The following ATP1B3 variants were observed in gnomAD, a reference collection of about 807,000 sequenced individuals.
The protein encoded by ATP1B3 is sodium/potassium-transporting ATPase subunit beta-3.
ATP1B3 carries 10 observed loss-of-function variants against 30.2 expected under a neutral mutation model. The ratio of observed to expected loss-of-function variants is 0.33; its 90% CI spans 0.20 to 0.56. The LOEUF is 0.56. Among genes scored for constraint, ATP1B3 ranks in the 20% least tolerant of loss-of-function variants. The pLI, the probability that ATP1B3 is intolerant of heterozygous loss-of-function variation, is 0.90. For synonymous variants in ATP1B3, 113 were observed against 117.0 expected (o/e 0.97, Z 0.22); for missense variants, 238 against 336.7 (o/e 0.71, Z 2.29).
At chr3:141,900,551 G>A (rs964621474) in intron 1 of ATP1B3, among the ~76,000 whole-genome samples, 3 of 152,128 alleles carry the variant, frequency 2.0e-5, no homozygotes, top group African/African-American at 7.2e-5. Context: ...AGGGTGCAGT[G>A]GAAACCTCCT....
chr3:141,913,504 C>CA, intron 3 of ATP1B3, 148 bp from the exon 4 acceptor site: 1 of 631,658 alleles, frequency 1.6e-6, no homozygotes, highest in Non-Finnish European at 2.6e-6. Flanking sequence ...GGTAAAGGGG[C>CA]AAACTTAACA....
At chr3:141,900,572 C>CT (rs1036566891) in intron 1 of ATP1B3, among the ~76,000 whole-genome samples, 1 of 152,120 alleles carries the variant, frequency 6.6e-6, no homozygotes, top group African/African-American at 2.4e-5. Context: ...GTATTAGTTA[C>CT]TAGTTGGTCA....
intron 1 of ATP1B3, among the ~76,000 whole-genome samples, chr3:141,892,627 G>T (rs971725035): frequency 7.1e-5 from 9 of 126,742 alleles, no homozygotes; most frequent in African/African-American, 2.8e-4. Context: ...ACTGCATGCA[G>T]CCTGGGTGAC....
intron 1 of ATP1B3, among the ~76,000 whole-genome samples, chr3:141,891,275 T>C (rs1009835138): frequency 6.6e-6 from 1 of 152,208 alleles, no homozygotes; most frequent in Non-Finnish European, 1.5e-5. Context: ...TAAATTTGTG[T>C]CAATACTACC....
chr3:141,921,846 A>T (rs1934568558), intron 5 of ATP1B3, 131 bp from the exon 6 acceptor site: 2 of 529,174 alleles, frequency 3.8e-6, no homozygotes, highest in Non-Finnish European at 6.7e-6. Flanking sequence ...TACACTTGTA[A>T]TGATAATATA....
chr3:141,876,731 G>C lies in ATP1B3; in HGVS notation c.-71G>C. On this transcript the variant is annotated 5_prime_UTR_variant, in exon 1 of 7. Transcript: ENST00000286371. ...CTCCGGGCTGCGCCGCCGGAGCCGGGACGCGCCTCCGCAGCCCTCGCCGCC... is the reference window on the plus strand; with the variant it reads ...CTCCGGGCTGCGCCGCCGGAGCCGGCACGCGCCTCCGCAGCCCTCGCCGCC... 3 of 1,243,242 alleles carry C rather than the reference G, an allele frequency of 2.4e-6. No individual in the cohort carries two copies. The highest frequency in any genetic ancestry group is 3.4e-6 in the Non-Finnish European group (3 of 877,836). 77.0% of individuals were successfully genotyped at this position (1,243,242 alleles called of 1,614,324 possible). A position where few individuals can be genotyped will look rare whatever the true frequency, so the allele number is the denominator to read the frequency against.
chr3:141,895,214 A>T (rs1244182577), intron 1 of ATP1B3, among the ~76,000 whole-genome samples: 28 of 119,048 alleles, frequency 2.4e-4, no homozygotes, highest in African/African-American at 2.3e-4. Context: ...TTTAAGATGG[A>T]CTCTTACCCT....
rs372468638 is a variant in ATP1B3, at chr3:141,897,720, T to G, written c.110-5900T>G. Among the ~76,000 whole-genome samples the G allele has an allele frequency of 7.9e-5, 12 of 152,330 alleles. No individual in the cohort carries two copies. The South Asian group carries it at 1.4e-3, about 18-fold the overall frequency. On this transcript the variant is annotated intron_variant, in intron 1 of 6. Transcript: ENST00000286371. Reference sequence around the variant, plus strand: ...TCGGGTTTTTGTTTTTGTTTTTTGTTTTATTTTGAGACAGAGTCTCACTCT... The same window carrying G: ...TCGGGTTTTTGTTTTTGTTTTTTGTGTTATTTTGAGACAGAGTCTCACTCT...
intron 1 of ATP1B3, among the ~76,000 whole-genome samples, chr3:141,895,080 G>A (rs377751021): frequency 5.3e-5 from 8 of 151,950 alleles, no homozygotes; most frequent in African/African-American, 1.9e-4. Flanking sequence ...GAAATGTTAC[G>A]TGGTGTATGT....
chr3:141,889,756 T>TACATAC (rs1933903557), intron 1 of ATP1B3, among the ~76,000 whole-genome samples: 2 of 84,042 alleles, frequency 2.4e-5, no homozygotes, highest in African/African-American at 1.1e-4. Flanking sequence ...AAAAAATATA[T>TACATAC]ACACACACAC....
In ATP1B3 at chr3:141,896,379, G is replaced by A. The variant is rs371191201; in HGVS notation, c.110-7241G>A. Among the ~76,000 whole-genome samples the A allele has an allele frequency of 2.0e-5, 3 of 152,068 alleles. No homozygotes were observed. In the East Asian group the frequency reaches 5.8e-4, roughly 29 times the overall value. On this transcript the variant is annotated intron_variant, in intron 1 of 6. Transcript: ENST00000286371. ...AAAAAAAATTTTTTTTAATTAGCTG[G>A]GCACGGTGGTATGTGCCTGTAGTCC...
chr3:141,882,538 A>G (rs529665489), intron 1 of ATP1B3, among the ~76,000 whole-genome samples: 29 of 152,006 alleles, frequency 1.9e-4, no homozygotes, highest in African/African-American at 4.8e-5. Context: ...CTTAGTTACT[A>G]TCTCTGTTGG....
intron 1 of ATP1B3, among the ~76,000 whole-genome samples, chr3:141,882,027 C>T (rs1467512340): frequency 6.6e-6 from 1 of 152,052 alleles, no homozygotes; most frequent in African/African-American, 2.4e-5. Flanking sequence ...TATTAAAGAG[C>T]CTCTCCCCAC....
intron 1 of ATP1B3, among the ~76,000 whole-genome samples, chr3:141,894,703 G>T (rs979529644): frequency 5.9e-5 from 9 of 152,140 alleles, no homozygotes; most frequent in African/African-American, 2.2e-4. Context: ...GTCTTCAGGG[G>T]CAGCAACACG....
At chr3:141,921,212 C>T (rs1934558354) in intron 5 of ATP1B3, among the ~76,000 whole-genome samples, 1 of 151,962 alleles carries the variant, frequency 6.6e-6, no homozygotes, top group Non-Finnish European at 1.5e-5. Context: ...TAGAATTAGG[C>T]CCATTTAGAA....
intron 4 of ATP1B3, among the ~76,000 whole-genome samples, chr3:141,915,677 C>T (rs1306016274): frequency 6.6e-6 from 1 of 152,096 alleles, no homozygotes; most frequent in Non-Finnish European, 1.5e-5. Flanking sequence ...TTAAGGGTTT[C>T]TGTCTGTTTC....
At chr3:141,883,276 C>T (rs1311549409) in intron 1 of ATP1B3, among the ~76,000 whole-genome samples, 2 of 152,230 alleles carry the variant, frequency 1.3e-5, no homozygotes, top group Non-Finnish European at 2.9e-5. Context: ...TCACTTGTGG[C>T]CAGGAGTTAG....
intron 1 of ATP1B3, among the ~76,000 whole-genome samples, chr3:141,877,339 G>T (rs1020753704): frequency 6.6e-5 from 10 of 152,250 alleles, no homozygotes; most frequent in African/African-American, 2.4e-4. Flanking sequence ...CCGCTGAGCG[G>T]TTCGGAGAAG....
chr3:141,912,891 C>G (rs1276394162), intron 3 of ATP1B3, among the ~76,000 whole-genome samples: 1 of 152,204 alleles, frequency 6.6e-6, no homozygotes, highest in Non-Finnish European at 1.5e-5. Context: ...ATGAGCTAGT[C>G]TCTCACCTGG....
Sources: gnomAD v4.1 joint callset for allele counts (sites outside exome capture counted in the v4.1 genomes callset) on GRCh38, gnomAD v4.1.1 for gene constraint, MANE v1.5 for transcripts, NCBI Gene and HGNC (gene_info 2026-07-23, HGNC 2026-07-21) for gene names.